TMPRSS6: variants seen among roughly 807,000 people sequenced by gnomAD.
TMPRSS6 encodes the protein transmembrane serine protease 6, also known as transmembrane protease serine 6.
In TMPRSS6, 67 loss-of-function variants were observed where a neutral mutation model predicts 101.5. The observed-to-expected ratio is 0.66, with a 90% confidence interval of 0.54 to 0.81. The LOEUF (loss-of-function observed/expected upper bound fraction) is 0.81, where lower values mean the gene tolerates loss of function less well. TMPRSS6 is among the 30% of genes least tolerant of loss of function. TMPRSS6 has a pLI of 0.00. For synonymous variants in TMPRSS6, 453 were observed against 464.9 expected (o/e 0.97, Z 0.33); for missense variants, 1,034 against 1,088.7 (o/e 0.95, Z 0.71).
At chr22:37,075,074 C>T in intron 11 of TMPRSS6, 61 bp downstream of exon 11, 3 of 1,613,152 alleles carry the variant, frequency 1.9e-6, no homozygotes, top group Non-Finnish European at 2.5e-6. Context: ...CTTGGTGGTT[C>T]CAGGGATGGC....
At chr22:37,078,791 AAGG>A (rs71193294) in intron 10 of TMPRSS6, among the ~76,000 whole-genome samples, 2 of 23,774 alleles carry the variant, frequency 8.4e-5, no homozygotes, top group East Asian at 7.1e-4. Flanking sequence ...GGAGAAGAAG[AAGG>A]AGGAGGAGGA....
chr22:37,090,842 G>C (rs1304500694), intron 6 of TMPRSS6, among the ~76,000 whole-genome samples: 1 of 152,174 alleles, frequency 6.6e-6, no homozygotes, highest in East Asian at 1.9e-4. Flanking sequence ...GCAGTGCCTG[G>C]TTCCTCAGGT....
intron 10 of TMPRSS6, chr22:37,083,862 CA>C: frequency 2.5e-6 from 1 of 395,906 alleles, no homozygotes; most frequent in Non-Finnish European, 4.5e-6. Context: ...GGCTGTGCAG[CA>C]GGGGTTCGTG....
intron 13 of TMPRSS6, among the ~76,000 whole-genome samples, chr22:37,071,826 T>G (rs989275853): frequency 6.6e-6 from 1 of 151,816 alleles, no homozygotes; most frequent in East Asian, 1.9e-4. Flanking sequence ...AGCTAGAAGG[T>G]TGGATAAACG....
At chr22:37,098,168 T>A (rs1049717664) in intron 3 of TMPRSS6, among the ~76,000 whole-genome samples, 4 of 151,524 alleles carry the variant, frequency 2.6e-5, no homozygotes, top group African/African-American at 7.3e-5. Flanking sequence ...CTGTGGGACC[T>A]TTCCCAAGGT....
chr22:37,098,075 A>G (rs1929976126), intron 3 of TMPRSS6, among the ~76,000 whole-genome samples: 1 of 149,034 alleles, frequency 6.7e-6, no homozygotes, highest in South Asian at 2.1e-4. Context: ...GGAGCGGGCC[A>G]CCGTCCTGTA....
Position 37,103,795 on chromosome 22 carries a change from C to A in TMPRSS6, c.-1-377G>T. ...GGTGCAGACTTCTGTAGACATCTGACCTCTTGCCCTCATTTCCCGTCCACG... is the reference window on the plus strand; with the variant it reads ...GGTGCAGACTTCTGTAGACATCTGAACTCTTGCCCTCATTTCCCGTCCACG... On this transcript the variant is annotated intron_variant, in intron 1 of 17. Transcript: ENST00000676104. The surrounding 1 kb of genome is among the most constrained non-coding windows in gnomAD (Gnocchi z 4.4). 1.7e-6 allele frequency: 1 copy of A among 596,026 alleles called. No homozygotes were observed. 36.9% of individuals were successfully genotyped at this position (596,026 alleles called of 1,614,324 possible). A position where few individuals can be genotyped will look rare whatever the true frequency, so the allele number is the denominator to read the frequency against.
chr22:37,087,224 T>C (rs905935161), intron 7 of TMPRSS6, among the ~76,000 whole-genome samples: 1 of 152,168 alleles, frequency 6.6e-6, no homozygotes, highest in Non-Finnish European at 1.5e-5. Flanking sequence ...CAACACTCTC[T>C]GGAGTCCAGC....
At position 37,095,870 on chromosome 22, in the gene TMPRSS6, T is replaced by C. The variant is rs1212755368; in HGVS notation, c.589+36A>G. 3 of 1,612,636 alleles carry C rather than the reference T, an allele frequency of 1.9e-6. No individual in the cohort carries two copies. The African/African-American group carries it at 4.0e-5, about 22-fold the overall frequency. On this transcript the variant is annotated intron_variant, in intron 5 of 17. Coordinates refer to ENST00000676104, the MANE Select transcript of TMPRSS6 (RefSeq NM_001374504.1). The stretch of plus-strand genomic sequence containing the variant: ...CCACAGCTTGTTTCCCCCAACCTCA[T>C]GAGGCCAACCCCACGTTTCCACTCG...
intron 10 of TMPRSS6, chr22:37,082,804 C>T: frequency 8.2e-6 from 3 of 367,646 alleles, no homozygotes; most frequent in South Asian, 6.2e-5. Context: ...CCCAAAGTCA[C>T]TCCCCATGTT....
intron 10 of TMPRSS6, among the ~76,000 whole-genome samples, chr22:37,078,954 AAAG>A (rs1927985364): frequency 8.4e-5 from 10 of 118,436 alleles, no homozygotes; most frequent in East Asian, 2.3e-4. Flanking sequence ...AGAAGGAGAA[AAAG>A]AGAAAGAAAG....
Position 37,103,205 on chromosome 22 carries a change from C to T in TMPRSS6, c.202+11G>A. ...CCCAGGTGCCTCTCCCAGGCGGTCC[C>T]ACAACGTTACCTAGGAAATACCAGA... On this transcript the variant is annotated intron_variant, in intron 2 of 17. Coordinates refer to ENST00000676104, the MANE Select transcript of TMPRSS6 (RefSeq NM_001374504.1). The surrounding 1 kb of genome is among the most constrained non-coding windows in gnomAD (Gnocchi z 4.4). The T allele has an allele frequency of 6.2e-7, 1 of 1,613,766 alleles. No homozygotes were observed. The highest frequency in any genetic ancestry group is 8.5e-7 in the Non-Finnish European group (1 of 1,179,872).
At chr22:37,067,719 C>T (rs571205520) in intron 16 of TMPRSS6, among the ~76,000 whole-genome samples, 4 of 152,252 alleles carry the variant, frequency 2.6e-5, no homozygotes, top group East Asian at 1.9e-4. Context: ...CACAGTCCCC[C>T]GGGGAGCCTT....
chr22:37,066,783 T>G, intron 17 of TMPRSS6, 43 bp downstream of exon 17: 2 of 1,613,678 alleles, frequency 1.2e-6, no homozygotes, highest in Non-Finnish European at 1.7e-6. Flanking sequence ...GTGGGCAGCA[T>G]CCTTTCTCCC....
chr22:37,070,518 C>G lies in TMPRSS6; in HGVS notation c.1807G>C (p.Val603Leu). The G allele has an allele frequency of 2.5e-6, 4 of 1,613,506 alleles. No individual in the cohort carries two copies. Among genetic ancestry groups the G allele is most frequent in the Non-Finnish European group, 3.4e-6 (4 of 1,180,020 alleles). ...CGGALIADRW[V>L]ITAAHCFQED... The stretch of plus-strand genomic sequence containing the variant: ...TGGAAGCAGTGGGCAGCTGTTATCA[C>G]CCAGCGGTCAGCGATGAGGGCCCCC... Residue 603 changes from valine (V) to leucine (L), a missense_variant, in exon 15 of 18, where the codon GTG (valine) becomes CTG (leucine). Physicochemically the swap from Val to Leu is conservative, Grantham distance 32. Coordinates refer to ENST00000676104, the MANE Select transcript of TMPRSS6 (RefSeq NM_001374504.1).
Position 37,070,538 on chromosome 22 carries a change from G to C in TMPRSS6, c.1787C>G (p.Ala596Gly). ...TATCACCCAGCGGTCAGCGATGAGGGCCCCCCCACAGATGTGTCGACCCCG... is the reference window on the plus strand; with the variant it reads ...TATCACCCAGCGGTCAGCGATGAGGCCCCCCCCACAGATGTGTCGACCCCG... ...QVRGRHICGGALIADRWVITA... is the reference protein window; with the variant it reads ...QVRGRHICGGGLIADRWVITA... The change falls in exon 15 of 18, where the codon GCC (alanine) becomes GGC (glycine). Residue 596 changes from alanine to glycine, a missense_variant. Physicochemically the swap from Ala to Gly is moderately conservative, Grantham distance 60 (BLOSUM62 0). Transcript: ENST00000676104. 3 of 1,613,250 alleles carry C rather than the reference G, an allele frequency of 1.9e-6. No individual in the cohort carries two copies. Among genetic ancestry groups the C allele is most frequent in the East Asian group, 2.2e-5 (1 of 44,878 alleles).
At chr22:37,072,314 GA>G (rs1927070452) in intron 13 of TMPRSS6, among the ~76,000 whole-genome samples, 5 of 146,880 alleles carry the variant, frequency 3.4e-5, no homozygotes, top group Admixed American at 1.4e-4. Context: ...ATGATGGATG[GA>G]TGGATGATGG....
Position 37,086,374 on chromosome 22 carries a change from C to A in TMPRSS6, c.882G>T (p.Ala294=). ...AGACGACCGCCATGATGGCCCCCGA[C>A]GCCAGAACCTCCACCACGGGCTCCT... is the stretch of plus-strand genomic sequence containing the variant. The part of the protein sequence containing the change: ...SRQEPVVEVL[A]SGAIMAVVWK... The change falls in exon 8 of 18, where the codon GCG becomes GCT. Residue 294 remains alanine (A), a synonymous_variant. Coordinates refer to ENST00000676104, the MANE Select transcript of TMPRSS6 (RefSeq NM_001374504.1). 3 of 1,610,546 alleles carry A rather than the reference C, an allele frequency of 1.9e-6. No individual in the cohort carries two copies. Among genetic ancestry groups the A allele is most frequent in the East Asian group, 2.2e-5 (1 of 44,694 alleles).
At chr22:37,094,943 C>T (rs1401529735) in intron 6 of TMPRSS6, among the ~76,000 whole-genome samples, 3 of 152,188 alleles carry the variant, frequency 2.0e-5, no homozygotes. Flanking sequence ...ACACAAACTA[C>T]AACTTGGACA....
Sources: allele counts gnomAD v4.1 joint callset (sites outside exome capture counted in the v4.1 genomes callset), GRCh38; gene constraint gnomAD v4.1.1; non-coding constraint Gnocchi (gnomAD v3.1); transcripts MANE v1.5; gene names NCBI Gene and HGNC (gene_info 2026-07-23, HGNC 2026-07-21).